MYO16: variants seen among roughly 807,000 people sequenced by gnomAD.
MYO16 encodes myosin XVI.
Under a neutral mutation model 205.3 loss-of-function variants are expected in MYO16, and 94 were observed. The observed-to-expected ratio is 0.46, with a 90% CI of 0.39 to 0.54. The LOEUF (loss-of-function observed/expected upper bound fraction) is 0.54, where lower values mean the gene tolerates loss of function less well. Ranked by LOEUF, MYO16 falls within the 20% of genes least tolerant of loss-of-function variation. MYO16 has a pLI of 0.00. For missense variants in MYO16, 2,315 were observed against 2,387.5 expected, an observed-to-expected ratio of 0.97 and a Z score of 0.63; for synonymous variants, 988 against 954.0, an observed-to-expected ratio of 1.04 and a Z score of -0.66.
At chr13:109,106,013 G>A (rs1889113288) in intron 28 of MYO16, among the ~76,000 whole-genome samples, 1 of 152,138 alleles carries the variant, frequency 6.6e-6, no homozygotes, top group Non-Finnish European at 1.5e-5. Flanking sequence ...AAAACATGGT[G>A]GACTAGTCAG....
intron 1 of MYO16, among the ~76,000 whole-genome samples, chr13:108,645,754 T>G (rs545312309): frequency 2.6e-5 from 4 of 152,300 alleles, no homozygotes; most frequent in African/African-American, 9.6e-5. Flanking sequence ...CATAATGGCC[T>G]CAGGTGGCAT....
At chr13:108,614,578 A>G (rs1879284934) in intron 1 of MYO16, among the ~76,000 whole-genome samples, 1 of 152,138 alleles carries the variant, frequency 6.6e-6, no homozygotes, top group African/African-American at 2.4e-5. Context: ...AAATTACTAC[A>G]AAGCTACAAA....
At chr13:109,069,118 C>T (rs1887847352) in intron 27 of MYO16, among the ~76,000 whole-genome samples, 1 of 152,060 alleles carries the variant, frequency 6.6e-6, no homozygotes, top group African/African-American at 2.4e-5. Flanking sequence ...TAATAAAATC[C>T]CAATAGCCTC....
intron 15 of MYO16, among the ~76,000 whole-genome samples, chr13:108,908,783 G>A (rs750800299): frequency 3.3e-5 from 5 of 151,938 alleles, no homozygotes; most frequent in Non-Finnish European, 7.4e-5. Context: ...ATACCAGCCT[G>A]GCCAATATGG....
At chr13:109,112,127 C>T (rs1408393519) in intron 28 of MYO16, among the ~76,000 whole-genome samples, 2 of 152,126 alleles carry the variant, frequency 1.3e-5, no homozygotes, top group Non-Finnish European at 2.9e-5. Flanking sequence ...TTTTCTGCTT[C>T]AGGAGAGTAT....
Position 108,820,378 on chromosome 13 carries a change from A to T in MYO16, c.909A>T (p.Pro303=). Residue 303 remains proline, a synonymous_variant, in exon 8 of 35, where the codon CCA becomes CCT. Transcript: ENST00000457511. The part of the protein sequence containing the change: ...VKLLLMHQAN[P]HLVNCNEEKA... ...TTCTCCTGATGCATCAGGCAAACCC[A>T]CACCTCGTGAACTGTAATGAGGAGA... The T allele has an allele frequency of 3.7e-6, 6 of 1,607,218 alleles. No homozygotes were observed. The highest frequency in any genetic ancestry group is 1.1e-5 in the South Asian group (1 of 89,718).
chr13:108,851,682 A>G (rs1877874792), intron 10 of MYO16, among the ~76,000 whole-genome samples: 2 of 152,122 alleles, frequency 1.3e-5, no homozygotes, highest in Non-Finnish European at 1.5e-5. Flanking sequence ...TCTTAAATTA[A>G]TCAAAGTCCA....
At chr13:108,581,749 G>C in the MYO16 span, among the ~76,000 whole-genome samples, 1 of 151,936 alleles carries the variant, frequency 6.6e-6, no homozygotes. Flanking sequence ...AGCCAGGCAT[G>C]GTGGTGGGCA....
intron 1 of MYO16, among the ~76,000 whole-genome samples, chr13:108,645,730 G>A (rs992569495): frequency 5.4e-5 from 8 of 146,938 alleles, no homozygotes; most frequent in African/African-American, 2.1e-4. Flanking sequence ...GGCTATGAGT[G>A]TCTGAAAGGA....
At chr13:108,736,950 G>A (rs551545664) in intron 4 of MYO16, among the ~76,000 whole-genome samples, 2 of 152,088 alleles carry the variant, frequency 1.3e-5, no homozygotes, top group African/African-American at 2.4e-5. Context: ...TCTGTTATTC[G>A]TGTATAAGAA....
chr13:108,820,367 C>A lies in MYO16; in HGVS notation c.898C>A (p.Gln300Lys), dbSNP rs866153929. The change falls in exon 8 of 35, where the codon CAG becomes AAG. Residue 300 changes from glutamine to lysine, a missense_variant. Physicochemically the swap from Gln to Lys is moderately conservative, Grantham distance 53. Transcript: ENST00000457511. ...TNLVKLLLMHQANPHLVNCNE... is the reference protein window; with the variant it reads ...TNLVKLLLMHKANPHLVNCNE... ...TCTGGTGAAACTTCTCCTGATGCAT[C>A]AGGCAAACCCACACCTCGTGAACTG... The A allele has an allele frequency of 1.2e-6, 2 of 1,606,162 alleles. No homozygotes were observed. Among genetic ancestry groups the A allele is most frequent in the East Asian group, 4.5e-5 (2 of 44,128 alleles).
intron 6 of MYO16, among the ~76,000 whole-genome samples, chr13:108,794,461 C>T (rs1348850984): frequency 6.6e-6 from 1 of 152,120 alleles, no homozygotes; most frequent in East Asian, 1.9e-4. Flanking sequence ...GTACTTAGTC[C>T]ATGTAGTTTT....
intron 1 of MYO16, among the ~76,000 whole-genome samples, chr13:108,652,367 T>G (rs1245061115): frequency 6.6e-6 from 1 of 152,242 alleles, no homozygotes; most frequent in Non-Finnish European, 1.5e-5. Flanking sequence ...AGCCCCATAA[T>G]CTAGCTGCTT....
intron 2 of MYO16, among the ~76,000 whole-genome samples, chr13:108,671,608 A>T (rs769121224): frequency 6.6e-6 from 1 of 152,194 alleles, no homozygotes; most frequent in Non-Finnish European, 1.5e-5. Context: ...TTTCAAATGC[A>T]TTATTGCAAT....
intron 20 of MYO16, among the ~76,000 whole-genome samples, chr13:108,990,117 G>T (rs939143402): frequency 1.0e-4 from 15 of 149,880 alleles, no homozygotes; most frequent in African/African-American, 3.4e-4. Context: ...ACTGCTTTAA[G>T]AAAAATGATG....
At chr13:108,898,403 A>G (rs1880547672) in intron 15 of MYO16, among the ~76,000 whole-genome samples, 1 of 115,162 alleles carries the variant, frequency 8.7e-6, no homozygotes, top group Non-Finnish European at 2.0e-5. Context: ...CATACCTAGG[A>G]TGTCAGGTGA....
the MYO16 span, among the ~76,000 whole-genome samples, chr13:108,565,977 T>C: frequency 1.3e-5 from 2 of 151,980 alleles, no homozygotes; most frequent in South Asian, 2.1e-4. Flanking sequence ...GTCAGAGATA[T>C]TGGCCTGTAG....
chr13:108,962,559 T>C, intron 19 of MYO16, 64 bp downstream of exon 19: 1 of 1,181,406 alleles, frequency 8.5e-7, no homozygotes, highest in Non-Finnish European at 1.2e-6. Flanking sequence ...TTAAATACAG[T>C]TTGACTTGTC....
At chr13:108,787,056 C>T (rs550115628) in intron 5 of MYO16, among the ~76,000 whole-genome samples, 1 of 152,350 alleles carries the variant, frequency 6.6e-6, no homozygotes, top group African/African-American at 2.4e-5. Context: ...ACATGAAAAA[C>T]TTGGCGCAAT....
Sources: gnomAD v4.1 joint callset for allele counts (sites outside exome capture counted in the v4.1 genomes callset) on GRCh38, gnomAD v4.1.1 for gene constraint, MANE v1.5 for transcripts, NCBI Gene and HGNC (gene_info 2026-07-23, HGNC 2026-07-21) for gene names.